Variants in LRRC20 observed in about 807,000 individuals in gnomAD.
LRRC20 encodes the protein leucine-rich repeat-containing protein 20.
In LRRC20, 11 loss-of-function variants were observed where a neutral mutation model predicts 14.4. The ratio of observed to expected loss-of-function variants is 0.77; its 90% confidence interval spans 0.48 to 1.27. The LOEUF (loss-of-function observed/expected upper bound fraction) is 1.27, where lower values mean the gene tolerates loss of function less well. LRRC20 is among the 50% of genes most tolerant of loss of function. The probability of loss-of-function intolerance (pLI) is 0.00; values close to 1 mark genes in which losing one functional copy is unlikely to be tolerated. For synonymous variants in LRRC20, 121 were observed against 107.3 expected (o/e 1.13, Z -0.79); for missense variants, 219 against 251.2 (o/e 0.87, Z 0.87).
intron 3 of LRRC20, among the ~76,000 whole-genome samples, chr10:70,326,235 A>G (rs946432277): frequency 6.6e-6 from 1 of 151,088 alleles, no homozygotes; most frequent in Admixed American, 6.6e-5. Context: ...AGGTCCCCAC[A>G]GCCCCTCCCA....
At chr10:70,372,654 G>A (rs557136883) in intron 2 of LRRC20, among the ~76,000 whole-genome samples, 1 of 151,978 alleles carries the variant, frequency 6.6e-6, no homozygotes, top group Admixed American at 6.6e-5. Context: ...ATGTTAGCCA[G>A]GATGGTTTCG....
At chr10:70,371,235 C>G (rs766951733) in intron 2 of LRRC20, among the ~76,000 whole-genome samples, 2 of 151,964 alleles carry the variant, frequency 1.3e-5, no homozygotes, top group Non-Finnish European at 1.5e-5. Context: ...CTCCAGGACT[C>G]ATGCAATCCT....
At chr10:70,346,026 C>T (rs1378159099) in intron 2 of LRRC20, among the ~76,000 whole-genome samples, 2 of 151,952 alleles carry the variant, frequency 1.3e-5, no homozygotes, top group East Asian at 1.9e-4. Context: ...TTTGAGGGGC[C>T]GAGGCAGGGA....
At chr10:70,329,430 G>A (rs1411142743) in intron 3 of LRRC20, among the ~76,000 whole-genome samples, 2 of 152,208 alleles carry the variant, frequency 1.3e-5, no homozygotes, top group African/African-American at 2.4e-5. Flanking sequence ...TCTGATGTTA[G>A]CTGTAGGATT....
At chr10:70,341,316 C>A (rs1327593033) in intron 2 of LRRC20, among the ~76,000 whole-genome samples, 1 of 152,168 alleles carries the variant, frequency 6.6e-6, no homozygotes, top group African/African-American at 2.4e-5. Context: ...CAAAAACATA[C>A]ATCCATGCAA....
At chr10:70,369,297 C>T (rs570592514) in intron 2 of LRRC20, among the ~76,000 whole-genome samples, 17 of 152,248 alleles carry the variant, frequency 1.1e-4, no homozygotes, top group African/African-American at 3.9e-4. Context: ...CCCCATCCCT[C>T]GGGGCAGGCA....
chr10:70,362,413 T>C (rs189128248), intron 2 of LRRC20, among the ~76,000 whole-genome samples: 2 of 152,304 alleles, frequency 1.3e-5, no homozygotes, highest in African/African-American at 4.8e-5. Context: ...ATCCACAGCT[T>C]TGTGGTATGA....
intron 2 of LRRC20, among the ~76,000 whole-genome samples, chr10:70,349,145 T>C (rs58676460): frequency 0.23 from 34,803 of 152,192 alleles, 4,198 homozygotes; most frequent in East Asian, 0.38. Flanking sequence ...CAGTATATAG[T>C]TCACCAAGGC....
intron 4 of LRRC20, among the ~76,000 whole-genome samples, chr10:70,313,910 T>C (rs1841759092): frequency 1.3e-5 from 2 of 152,166 alleles, no homozygotes; most frequent in Non-Finnish European, 2.9e-5. Flanking sequence ...ATTTTTAGGC[T>C]GCTGATAAAG....
intron 4 of LRRC20, among the ~76,000 whole-genome samples, chr10:70,314,066 A>C (rs1388290333): frequency 6.6e-6 from 1 of 152,206 alleles, no homozygotes; most frequent in Non-Finnish European, 1.5e-5. Flanking sequence ...TAAAACCATC[A>C]GATCTCGTGA....
chr10:70,340,612 G>C lies in LRRC20; in HGVS notation c.173C>G (p.Ala58Gly), dbSNP rs758114784. Residue 58 changes from alanine to glycine, a missense_variant, in exon 3 of 5, where the codon GCT becomes GGT. Ala to Gly is a moderately conservative substitution (Grantham distance 60). Transcript: ENST00000446961. ...VSGQIHLITL[A>G]NNELKSLTSK... is the part of the protein sequence containing the mutation. ...GGTGAGGGACTTAAGCTCGTTGTTAGCCAGGGTGATGAGGTGGATCTGGCC... is the reference window on the plus strand; with the variant it reads ...GGTGAGGGACTTAAGCTCGTTGTTACCCAGGGTGATGAGGTGGATCTGGCC... 1.2e-6 allele frequency: 2 copies of C among 1,614,194 alleles called. No individual in the cohort carries two copies. Among genetic ancestry groups the C allele is most frequent in the South Asian group, 1.1e-5 (1 of 91,082 alleles).
intron 3 of LRRC20, among the ~76,000 whole-genome samples, chr10:70,325,235 G>C (rs1254027574): frequency 6.6e-6 from 1 of 152,182 alleles, no homozygotes; most frequent in Non-Finnish European, 1.5e-5. Flanking sequence ...GGAATGCCTT[G>C]TATGGCCATC....
rs147541035 is a variant in LRRC20 at position 70,309,063 on chromosome 10, T to C, written c.401-7555A>G. On this transcript the variant is annotated intron_variant, in intron 4 of 4. Coordinates refer to ENST00000446961, the MANE Select transcript of LRRC20 (RefSeq NM_001278212.2). ...TTCCTTGGACTCTTGCACATCTTCA[T>C]ATTCAGGAGTTCTGTTGCAGCCATT... 8.8e-3 allele frequency among the ~76,000 whole-genome samples: 1,333 copies of C among 152,286 alleles called. 22 individuals carry two copies. Among genetic ancestry groups the C allele is most frequent in the African/African-American group, 0.031 (1,284 of 41,540 alleles).
chr10:70,301,275 C>CA lies in LRRC20; in HGVS notation c.*78_*79insT. 6.6e-7 allele frequency: 1 copy of CA among 1,519,962 alleles called. No homozygotes were observed. The highest frequency in any genetic ancestry group is 8.8e-7 in the Non-Finnish European group (1 of 1,138,246). The allele number at this position is 1,519,962 out of a possible 1,614,324, so 94.2% of individuals were successfully genotyped here. A position where few individuals can be genotyped will look rare whatever the true frequency, so the allele number is the denominator to read the frequency against. On this transcript the variant is annotated 3_prime_UTR_variant, in exon 5 of 5. Coordinates refer to ENST00000446961, the MANE Select transcript of LRRC20 (RefSeq NM_001278212.2). ...CCCGCCCCCAGCCCCCAGGCTTGGC[C>CA]TCCCATGGGCCTCCCTCCCTTCCAG...
intron 3 of LRRC20, among the ~76,000 whole-genome samples, chr10:70,330,664 A>C (rs1589074972): frequency 1.3e-5 from 2 of 152,234 alleles, no homozygotes; most frequent in East Asian, 3.8e-4. Context: ...TGAATTAGAC[A>C]GAATGGGGCA....
chr10:70,371,430 G>C (rs570070452), intron 2 of LRRC20, among the ~76,000 whole-genome samples: 1 of 151,910 alleles, frequency 6.6e-6, no homozygotes, highest in South Asian at 2.1e-4. Context: ...GTAGAGTCTC[G>C]GGCCTCAGGC....
At chr10:70,360,183 G>C (rs189872712) in intron 2 of LRRC20, among the ~76,000 whole-genome samples, 2 of 152,258 alleles carry the variant, frequency 1.3e-5, no homozygotes, top group African/African-American at 4.8e-5. Context: ...CAAAGTGCTG[G>C]GATTACAGGC....
chr10:70,311,222 A>ATTTTTTTTTTTTTTT lies in LRRC20; in HGVS notation c.401-9729_401-9715dup, dbSNP rs11314061. 1.7e-3 allele frequency among the ~76,000 whole-genome samples: 147 copies of ATTTTTTTTTTTTTTT among 86,342 alleles called. 9 individuals are homozygous for ATTTTTTTTTTTTTTT. Among genetic ancestry groups the ATTTTTTTTTTTTTTT allele is most frequent in the East Asian group, 6.8e-3 (17 of 2,506 alleles). The allele number at this position is 86,342 out of a possible 152,430, so 56.6% of individuals were successfully genotyped here. A position where few individuals can be genotyped will look rare whatever the true frequency, so the allele number is the denominator to read the frequency against. Reference sequence around the variant, plus strand: ...ACATCCAGGTTGTTTTCAACATTCCATTTTTTTTTTTTTTTTTTTTTTTTG... The same window carrying ATTTTTTTTTTTTTTT: ...ACATCCAGGTTGTTTTCAACATTCCATTTTTTTTTTTTTTTTTTTTTTTTTTTTTTTTTTTTTTTG... On this transcript the variant is annotated intron_variant, in intron 4 of 4. Coordinates refer to ENST00000446961, the MANE Select transcript of LRRC20 (RefSeq NM_001278212.2).
intron 2 of LRRC20, among the ~76,000 whole-genome samples, chr10:70,363,531 T>C (rs1843836905): frequency 6.6e-6 from 1 of 152,202 alleles, no homozygotes; most frequent in Non-Finnish European, 1.5e-5. Context: ...TATGGAAGCC[T>C]GAATGAACTA....
Sources: allele counts gnomAD v4.1 joint callset (sites outside exome capture counted in the v4.1 genomes callset), GRCh38; gene constraint gnomAD v4.1.1; transcripts MANE v1.5; gene names NCBI Gene and HGNC (gene_info 2026-07-23, HGNC 2026-07-21).